The following GPC1 variants were observed in gnomAD, a reference collection of about 807,000 sequenced individuals.
GPC1 encodes the protein glypican 1, also known as glypican-1.
In GPC1, 26 loss-of-function variants were observed where a neutral mutation model predicts 51.5. That is an observed-to-expected ratio of 0.50 (90% confidence interval 0.37 to 0.70). GPC1 has a LOEUF of 0.70. Ranked by LOEUF, GPC1 falls within the 30% of genes least tolerant of loss-of-function variation. The probability of loss-of-function intolerance (pLI) is 0.00; values close to 1 mark genes in which losing one functional copy is unlikely to be tolerated. For synonymous variants in GPC1, 380 were observed against 348.3 expected (o/e 1.09, Z -1.01); for missense variants, 775 against 800.5 (o/e 0.97, Z 0.38).
chr2:240,463,029 C>T (rs1256788131), intron 3 of GPC1, among the ~76,000 whole-genome samples: 1 of 152,184 alleles, frequency 6.6e-6, no homozygotes, highest in Non-Finnish European at 1.5e-5. Context: ...ATAGGGAGGG[C>T]GTCAGCCTCA....
chr2:240,463,994 G>T (rs760681769), intron 4 of GPC1: 3 of 214,064 alleles, frequency 1.4e-5, no homozygotes, highest in Non-Finnish European at 2.8e-5. Flanking sequence ...GCCAACACGT[G>T]TGTGGTAATA....
At chr2:240,451,440 C>A (rs1435412453) in intron 1 of GPC1, 3 of 355,414 alleles carry the variant, frequency 8.4e-6, no homozygotes, top group Non-Finnish European at 1.7e-5. Flanking sequence ...CTGGGCAGAG[C>A]CCCAGGAGGA....
chr2:240,464,263 G>A (rs900553798), intron 4 of GPC1: 2 of 326,990 alleles, frequency 6.1e-6, no homozygotes, highest in African/African-American at 4.2e-5. Context: ...ACGGGCTCAT[G>A]TGCACACAAG....
chr2:240,460,479 C>T (rs1223943668), intron 2 of GPC1, among the ~76,000 whole-genome samples: 2 of 152,194 alleles, frequency 1.3e-5, no homozygotes, highest in African/African-American at 4.8e-5. Context: ...GCGTGCCACC[C>T]AGCCCTGCCC....
intron 8 of GPC1, 100 bp downstream of exon 8, chr2:240,465,748 T>A: frequency 1.0e-6 from 1 of 955,450 alleles, no homozygotes; most frequent in Non-Finnish European, 1.6e-6. Flanking sequence ...AGGGGCCCTC[T>A]GCTCCGGCAT....
chr2:240,456,230 A>G (rs1472097588), intron 1 of GPC1: 2 of 253,306 alleles, frequency 7.9e-6, no homozygotes, highest in East Asian at 3.4e-4. Context: ...GCCCCTCAGA[A>G]CCTGCAGGTG....
At position 240,448,924 on chromosome 2, in the gene GPC1, A is replaced by G. The variant is rs2074072268; in HGVS notation, c.167-10106A>G. Among the ~76,000 whole-genome samples, 1 of 152,074 alleles carries G rather than the reference A, an allele frequency of 6.6e-6. No individual in the cohort carries two copies. Among genetic ancestry groups the G allele is most frequent in the Admixed American group, 6.5e-5 (1 of 15,280 alleles). ...ATACCTGGGCTCGGGGTGCCCAGGT[A>G]TCAAGCCTGGGCTTCTCATTTCCTC... is the stretch of plus-strand genomic sequence containing the variant. On this transcript the variant is annotated intron_variant, in intron 1 of 8. Coordinates refer to ENST00000264039, the MANE Select transcript of GPC1 (RefSeq NM_002081.3). The surrounding 1 kb of genome is among the most constrained non-coding windows in gnomAD (Gnocchi z 4.5).
chr2:240,463,391 C>T lies in GPC1; in HGVS notation c.762C>T (p.Val254=). 1 of 1,612,922 alleles carries T rather than the reference C, an allele frequency of 6.2e-7. No homozygotes were observed. The highest frequency in any genetic ancestry group is 8.5e-7 in the Non-Finnish European group (1 of 1,179,884). ...GCTCGAGAGCTGTCATGAAGCTGGT[C>T]TACTGTGCTCACTGCCTGGGAGTCC... ...PECSRAVMKL[V]YCAHCLGVPG... is the part of the protein sequence containing the mutation. Residue 254 remains valine, a synonymous_variant, in exon 4 of 9, where the codon GTC becomes GTT. Coordinates refer to ENST00000264039, the MANE Select transcript of GPC1 (RefSeq NM_002081.3).
chr2:240,462,697 C>T, intron 3 of GPC1, 115 bp downstream of exon 3: 2 of 936,418 alleles, frequency 2.1e-6, no homozygotes, highest in South Asian at 3.6e-5. Context: ...GGGCCAGCCT[C>T]TGACCTCAGC....
At chr2:240,440,766 C>G (rs2074012372) in intron 1 of GPC1, among the ~76,000 whole-genome samples, 1 of 146,652 alleles carries the variant, frequency 6.8e-6, no homozygotes, top group Non-Finnish European at 1.5e-5. Context: ...CTCCCTGCCT[C>G]CGGTCCTGCC....
intron 1 of GPC1, chr2:240,454,697 TG>T (rs1200467899): frequency 1.3e-5 from 2 of 152,804 alleles, no homozygotes; most frequent in Non-Finnish European, 2.9e-5. Context: ...TGACACTGAG[TG>T]TCTAGGACGA....
chr2:240,462,874 G>A (rs2074228625), intron 3 of GPC1, among the ~76,000 whole-genome samples: 1 of 152,168 alleles, frequency 6.6e-6, no homozygotes, highest in Non-Finnish European at 1.5e-5. Context: ...TGGACGCTGA[G>A]CCAGGCTGTG....
rs1267342218 is a variant in GPC1, at chr2:240,448,333, C to T, written c.167-10697C>T. 1.4e-5 allele frequency among the ~76,000 whole-genome samples: 2 copies of T among 144,570 alleles called. No individual in the cohort carries two copies. Among genetic ancestry groups the T allele is most frequent in the African/African-American group, 5.0e-5 (2 of 40,352 alleles). The allele number at this position is 144,570 out of a possible 152,430, so 94.8% of individuals were successfully genotyped here. On this transcript the variant is annotated intron_variant, in intron 1 of 8. Transcript: ENST00000264039. This position sits in a 1 kb window ranked among gnomAD's most constrained non-coding sequence, Gnocchi z 4.5. ...CCCCAACCTCTGCCCAGAGCCATCT[C>T]ATGGGATCCTGGCATCCCTCTGTCT...
chr2:240,457,495 C>T (rs62187176), intron 1 of GPC1: 1 of 469,276 alleles, frequency 2.1e-6, no homozygotes, highest in Admixed American at 2.4e-5. Flanking sequence ...TGGGTCCCCA[C>T]CCCAGATGGC....
At chr2:240,447,098 A>G (rs1447654287) in intron 1 of GPC1, among the ~76,000 whole-genome samples, 1 of 152,104 alleles carries the variant, frequency 6.6e-6, no homozygotes, top group Non-Finnish European at 1.5e-5. Context: ...TGAGTAGCAA[A>G]GGCAGTGAGT....
At chr2:240,451,480 T>C (rs1205743566) in intron 1 of GPC1, 12 of 337,248 alleles carry the variant, frequency 3.6e-5, no homozygotes, top group Non-Finnish European at 5.9e-5. Context: ...CCTGCCTGAA[T>C]TTCCACCCTG....
intron 1 of GPC1, among the ~76,000 whole-genome samples, chr2:240,436,636 G>A (rs917527033): frequency 3.3e-5 from 5 of 152,254 alleles, no homozygotes; most frequent in Non-Finnish European, 7.3e-5. Flanking sequence ...GGCAGCCTAG[G>A]TGGGTTTTAT....
chr2:240,437,742 G>C (rs1456930047), intron 1 of GPC1, among the ~76,000 whole-genome samples: 2 of 152,108 alleles, frequency 1.3e-5, no homozygotes, highest in Non-Finnish European at 2.9e-5. Context: ...GCCCCTCCCA[G>C]CCCAGAGTCT....
intron 1 of GPC1, chr2:240,451,629 A>T (rs2074100358): frequency 4.2e-6 from 1 of 235,724 alleles, no homozygotes; most frequent in East Asian, 1.5e-4. Flanking sequence ...TCTGCCTTAC[A>T]GCCAAGACAC....
Sources: allele counts gnomAD v4.1 joint callset (sites outside exome capture counted in the v4.1 genomes callset), GRCh38; gene constraint gnomAD v4.1.1; non-coding constraint Gnocchi (gnomAD v3.1); transcripts MANE v1.5; gene names NCBI Gene and HGNC (gene_info 2026-07-23, HGNC 2026-07-21).